The following CACNA1A variants were observed in gnomAD, a reference collection of about 807,000 sequenced individuals.
CACNA1A encodes calcium voltage-gated channel subunit alpha1 A, also known as voltage-dependent P/Q-type calcium channel subunit alpha-1A.
In CACNA1A, 57 loss-of-function variants were observed where a neutral mutation model predicts 262.4. That is an observed-to-expected ratio of 0.22 (90% CI 0.18 to 0.27). CACNA1A has a LOEUF of 0.27. Ranked by LOEUF, CACNA1A falls within the 10% of genes least tolerant of loss-of-function variation. The pLI is 1.00. For synonymous variants in CACNA1A, 1,431 were observed against 1,419.3 expected (o/e 1.01, Z -0.18); for missense variants, 2,526 against 3,562.8 (o/e 0.71, Z 7.41).
chr19:13,286,648 G>A lies in CACNA1A; in HGVS notation c.3408C>T (p.Pro1136=). 1.9e-6 allele frequency: 3 copies of A among 1,543,630 alleles called. No individual in the cohort carries two copies. Among genetic ancestry groups the A allele is most frequent in the Non-Finnish European group, 2.6e-6 (3 of 1,144,876 alleles). Residue 1136 remains proline (P), a synonymous_variant, in exon 20 of 47, where the codon CCC becomes CCT. Transcript: ENST00000360228. ...NNPGNPSNPG[P]PKTPENSLIV... Reference sequence around the variant, plus strand: ...TAAGGCTATTCTCGGGGGTCTTGGGGGGGCCGGGATTGGATGGGTTCCCCG... The same window carrying A: ...TAAGGCTATTCTCGGGGGTCTTGGGAGGGCCGGGATTGGATGGGTTCCCCG...
intron 10 of CACNA1A, among the ~76,000 whole-genome samples, chr19:13,318,827 A>G (rs977574200): frequency 1.3e-5 from 2 of 151,766 alleles, no homozygotes; most frequent in African/African-American, 4.9e-5. Context: ...CTGAATGGGC[A>G]CAGGTTTAGG....
intron 3 of CACNA1A, among the ~76,000 whole-genome samples, chr19:13,441,315 A>G (rs1462428086): frequency 6.6e-6 from 1 of 152,080 alleles, no homozygotes; most frequent in African/African-American, 2.4e-5. Flanking sequence ...AGATGCCTGC[A>G]CAAGAAGCAG....
At chr19:13,304,699 ACTCT>A (rs981172241) in intron 15 of CACNA1A, among the ~76,000 whole-genome samples, 6 of 147,498 alleles carry the variant, frequency 4.1e-5, no homozygotes, top group Non-Finnish European at 9.0e-5. Context: ...AAACATCACA[ACTCT>A]CTCTCTCTCT....
At chr19:13,373,986 C>T (rs1468524975) in intron 3 of CACNA1A, among the ~76,000 whole-genome samples, 1 of 152,154 alleles carries the variant, frequency 6.6e-6, no homozygotes, top group Non-Finnish European at 1.5e-5. Flanking sequence ...CACAGCAGGT[C>T]GTGTTAACTA....
At chr19:13,496,003 C>CCCAT (rs879810505) in intron 1 of CACNA1A, among the ~76,000 whole-genome samples, 23 of 151,508 alleles carry the variant, frequency 1.5e-4, no homozygotes, top group Non-Finnish European at 2.4e-4. Flanking sequence ...CTTCCTTCAT[C>CCCAT]CCATCCATCC....
intron 24 of CACNA1A, among the ~76,000 whole-genome samples, chr19:13,268,598 A>C (rs766776584): frequency 1.4e-4 from 21 of 151,442 alleles, no homozygotes; most frequent in Non-Finnish European, 2.7e-4. Context: ...ACGCCCAGCT[A>C]ATTTTTTTTG....
chr19:13,418,976 C>T (rs1209458024), intron 3 of CACNA1A, among the ~76,000 whole-genome samples: 3 of 152,166 alleles, frequency 2.0e-5, no homozygotes, highest in East Asian at 1.9e-4. Context: ...TCACTGCAAC[C>T]TCCACCTCCC....
chr19:13,208,689 G>T, intron 46 of CACNA1A, 67 bp downstream of exon 46: 1 of 1,488,004 alleles, frequency 6.7e-7, no homozygotes, highest in Non-Finnish European at 8.9e-7. Context: ...GTTGGATGGG[G>T]TATCCCCTTC....
chr19:13,330,235 G>T lies in CACNA1A; in HGVS notation c.1345+9C>A. 6.5e-7 allele frequency: 1 copy of T among 1,541,468 alleles called. No individual in the cohort carries two copies. Among genetic ancestry groups the T allele is most frequent in the Non-Finnish European group, 8.8e-7 (1 of 1,136,720 alleles). On this transcript the variant is annotated intron_variant, in intron 10 of 46. Transcript: ENST00000360228. ...GAACAACTGATAGGTGGCAGAGGAA[G>T]GGACTCACCCACAGAGGCTATATCA...
chr19:13,491,694 G>GTGTACA (rs1980904166), intron 1 of CACNA1A, among the ~76,000 whole-genome samples: 1 of 152,178 alleles, frequency 6.6e-6, no homozygotes, highest in African/African-American at 2.4e-5. Context: ...CTAAGGGCCA[G>GTGTACA]GTGTGGTGGT....
chr19:13,317,382 A>C, intron 10 of CACNA1A, 61 bp from the exon 11 acceptor site: 4 of 1,368,498 alleles, frequency 2.9e-6, no homozygotes, highest in Non-Finnish European at 4.1e-6. Flanking sequence ...AAATTAACCA[A>C]TGTGCAGCCC....
chr19:13,266,974 A>T (rs1424276122), intron 24 of CACNA1A, among the ~76,000 whole-genome samples: 2 of 152,104 alleles, frequency 1.3e-5, no homozygotes, highest in East Asian at 3.9e-4. Context: ...GCATGGGCGG[A>T]GGCATTGGCA....
chr19:13,334,797 G>A (rs1341502423), intron 7 of CACNA1A, among the ~76,000 whole-genome samples: 8 of 152,042 alleles, frequency 5.3e-5, no homozygotes, highest in Admixed American at 5.3e-4. Flanking sequence ...CACTTTGTGA[G>A]GCTGAGATGG....
intron 38 of CACNA1A, among the ~76,000 whole-genome samples, chr19:13,219,496 G>A (rs745644224): frequency 1.7e-4 from 26 of 152,162 alleles, no homozygotes; most frequent in African/African-American, 4.6e-4. Flanking sequence ...GCTGAGTTAC[G>A]ATGGCATTAC....
chr19:13,477,619 T>C (rs533407515), intron 1 of CACNA1A, among the ~76,000 whole-genome samples: 1 of 152,328 alleles, frequency 6.6e-6, no homozygotes, highest in Non-Finnish European at 1.5e-5. Flanking sequence ...ACAGCAAAGA[T>C]GGACCAGGCA....
chr19:13,335,052 GA>G (rs967719034), intron 7 of CACNA1A, among the ~76,000 whole-genome samples: 1 of 151,298 alleles, frequency 6.6e-6, no homozygotes, highest in African/African-American at 2.4e-5. Context: ...CAATAAAAAA[GA>G]AAAAAACCGA....
chr19:13,303,513 T>A lies in CACNA1A; in HGVS notation c.2172+33A>T, dbSNP rs1364829738. ...TGATCTGCCATGGGCAGGTGGTAAC[T>A]TTGCCAGAGAAACATTCTCCCACCG... is the stretch of plus-strand genomic sequence containing the variant. On this transcript the variant is annotated intron_variant, in intron 17 of 46. Coordinates refer to ENST00000360228, the MANE Select transcript of CACNA1A (RefSeq NM_001127222.2). 4 of 1,251,678 alleles carry A rather than the reference T, an allele frequency of 3.2e-6. No individual in the cohort carries two copies. In the African/African-American group the frequency reaches 7.0e-5, roughly 22 times the overall value. 77.5% of individuals were successfully genotyped at this position (1,251,678 alleles called of 1,614,324 possible). A position where few individuals can be genotyped will look rare whatever the true frequency, so the allele number is the denominator to read the frequency against.
At chr19:13,473,216 T>C (rs1171870711) in intron 1 of CACNA1A, among the ~76,000 whole-genome samples, 1 of 149,586 alleles carries the variant, frequency 6.7e-6, no homozygotes, top group African/African-American at 2.5e-5. Context: ...ATTGCACTGC[T>C]GTACTCTTGT....
At chr19:13,268,676 C>T (rs1003059872) in intron 24 of CACNA1A, among the ~76,000 whole-genome samples, 2 of 152,010 alleles carry the variant, frequency 1.3e-5, no homozygotes, top group South Asian at 2.1e-4. Context: ...CCTCGTGATC[C>T]GCCCACCTTG....
Sources: allele counts gnomAD v4.1 joint callset (sites outside exome capture counted in the v4.1 genomes callset), GRCh38; gene constraint gnomAD v4.1.1; transcripts MANE v1.5; gene names NCBI Gene and HGNC (gene_info 2026-07-23, HGNC 2026-07-21).